The following GTF2F2 variants were observed in gnomAD, a reference collection of about 807,000 sequenced individuals.
The protein encoded by GTF2F2 is general transcription factor IIF subunit 2.
In GTF2F2, 23 loss-of-function variants were observed where a neutral mutation model predicts 42.2. That is an observed-to-expected ratio of 0.55 (90% CI 0.39 to 0.77). The LOEUF is 0.77. GTF2F2 is among the 30% of genes least tolerant of loss of function. The pLI is 0.00. For missense variants in GTF2F2, 261 were observed against 287.2 expected, an observed-to-expected ratio of 0.91 and a Z score of 0.66; for synonymous variants, 105 against 100.8, an observed-to-expected ratio of 1.04 and a Z score of -0.25.
At chr13:45,233,683 G>A (rs1874803080) in intron 5 of GTF2F2, among the ~76,000 whole-genome samples, 1 of 152,180 alleles carries the variant, frequency 6.6e-6, no homozygotes, top group African/African-American at 2.4e-5. Flanking sequence ...GGAGGCCAAG[G>A]CAGGAGGATC....
intron 2 of GTF2F2, among the ~76,000 whole-genome samples, chr13:45,148,908 T>G (rs1408608720): frequency 6.6e-6 from 1 of 152,160 alleles, no homozygotes. Flanking sequence ...TAAAACTTAT[T>G]TTTTGCTCGT....
rs555399165 is a variant in GTF2F2, at chr13:45,280,002, G to T, written c.631-3440G>T. Among the ~76,000 whole-genome samples, 70 of 151,428 alleles carry T rather than the reference G, an allele frequency of 4.6e-4. No individual in the cohort carries two copies. In the East Asian group the frequency reaches 7.0e-3, roughly 15 times the overall value. On this transcript the variant is annotated intron_variant, in intron 7 of 7. Coordinates refer to ENST00000340473, the MANE Select transcript of GTF2F2 (RefSeq NM_004128.3). ...TTATAATATAATAAGAGCTACCATC[G>T]AAGGTTGTGCGGTGTGAAATGTAAA...
chr13:45,191,224 A>AAAAAAAAAT, intron 4 of GTF2F2, among the ~76,000 whole-genome samples: 12 of 75,310 alleles, frequency 1.6e-4, no homozygotes, highest in African/African-American at 1.0e-3. Context: ...ACAAAAAAAA[A>AAAAAAAAAT]ATATATATAT....
chr13:45,148,299 A>G (rs1870306704), intron 2 of GTF2F2, among the ~76,000 whole-genome samples: 1 of 152,220 alleles, frequency 6.6e-6, no homozygotes, highest in African/African-American at 2.4e-5. Flanking sequence ...AACAATATCT[A>G]CAGATCTCCA....
intron 5 of GTF2F2, among the ~76,000 whole-genome samples, chr13:45,222,752 A>G (rs182053756): frequency 1.3e-5 from 2 of 152,346 alleles, no homozygotes; most frequent in African/African-American, 4.8e-5. Flanking sequence ...CCTGCCCTTG[A>G]GTTGTTCACT....
Position 45,264,601 on chromosome 13 carries a change from C to T in GTF2F2, c.487-2632C>T, listed in dbSNP as rs74787872. ...ATTTTTGAAAAATCTGGGTAGAATTCGGTAATTTTCTTACTACTCATTAAT... is the reference window on the plus strand; with the variant it reads ...ATTTTTGAAAAATCTGGGTAGAATTTGGTAATTTTCTTACTACTCATTAAT... On this transcript the variant is annotated intron_variant, in intron 6 of 7. Transcript: ENST00000340473. Among the ~76,000 whole-genome samples the T allele has an allele frequency of 6.4e-3, 978 of 152,190 alleles. 13 individuals carry two copies. Among genetic ancestry groups the T allele is most frequent in the African/African-American group, 0.022 (931 of 41,548 alleles).
chr13:45,253,918 C>T (rs969719429), intron 6 of GTF2F2, among the ~76,000 whole-genome samples: 2 of 152,044 alleles, frequency 1.3e-5, no homozygotes, highest in South Asian at 4.1e-4. Flanking sequence ...ACTAAAAATA[C>T]AAAAATTAGT....
chr13:45,236,484 C>G (rs917326952), intron 5 of GTF2F2, among the ~76,000 whole-genome samples: 1 of 118,036 alleles, frequency 8.5e-6, no homozygotes, highest in Non-Finnish European at 1.7e-5. Context: ...CACCCCCCGC[C>G]ACACATACAC....
In GTF2F2 at chr13:45,267,299, G is replaced by A. The variant is rs766836820; in HGVS notation, c.553G>A (p.Asp185Asn). 8.7e-6 allele frequency: 14 copies of A among 1,610,732 alleles called. No individual in the cohort carries two copies. The highest frequency in any genetic ancestry group is 1.2e-5 in the Non-Finnish European group (14 of 1,177,208). The change falls in exon 7 of 8, where the codon GAC becomes AAC. Residue 185 changes from aspartate (D) to asparagine (N), a missense_variant. Physicochemically the swap from Asp to Asn is conservative, Grantham distance 23. Coordinates refer to ENST00000340473, the MANE Select transcript of GTF2F2 (RefSeq NM_004128.3). Reference sequence around the variant, plus strand: ...TCGAGCTGATAAACAACATGTTTTAGACATGCTATTTTCAGCCTTTGAGAA... The same window carrying A: ...TCGAGCTGATAAACAACATGTTTTAAACATGCTATTTTCAGCCTTTGAGAA... ...RARADKQHVL[D>N]MLFSAFEKHQ...
At chr13:45,183,702 A>G (rs1368707005) in intron 4 of GTF2F2, among the ~76,000 whole-genome samples, 1 of 152,106 alleles carries the variant, frequency 6.6e-6, no homozygotes, top group Admixed American at 6.5e-5. Context: ...CCATCACCTC[A>G]TGAGATCATT....
At chr13:45,200,500 G>A (rs1241450426) in intron 4 of GTF2F2, among the ~76,000 whole-genome samples, 1 of 152,032 alleles carries the variant, frequency 6.6e-6, no homozygotes, top group Admixed American at 6.6e-5. Flanking sequence ...TGGAGACTGG[G>A]TCTCACTTTG....
At chr13:45,156,069 G>C (rs1469134226) in intron 4 of GTF2F2, among the ~76,000 whole-genome samples, 1 of 151,884 alleles carries the variant, frequency 6.6e-6, no homozygotes, top group South Asian at 2.1e-4. Flanking sequence ...TGAGTAGCTG[G>C]GACTACAGGC....
chr13:45,232,963 T>C (rs1164849537), intron 5 of GTF2F2, among the ~76,000 whole-genome samples: 1 of 152,248 alleles, frequency 6.6e-6, no homozygotes, highest in East Asian at 1.9e-4. Flanking sequence ...TCTTAAATGA[T>C]GTAAAGATGA....
intron 5 of GTF2F2, among the ~76,000 whole-genome samples, chr13:45,226,921 GTC>G (rs919366746): frequency 5.9e-5 from 9 of 152,084 alleles, no homozygotes; most frequent in Non-Finnish European, 1.2e-4. Context: ...GTAAGACCCT[GTC>G]TCTACAAAAA....
chr13:45,170,258 T>C (rs777539648), intron 4 of GTF2F2, among the ~76,000 whole-genome samples: 18 of 152,200 alleles, frequency 1.2e-4, no homozygotes, highest in Admixed American at 4.6e-4. Context: ...AGACCCCCCC[T>C]GCCTTGGCCT....
intron 4 of GTF2F2, among the ~76,000 whole-genome samples, chr13:45,180,352 A>G (rs1872090183): frequency 6.6e-6 from 1 of 152,180 alleles, no homozygotes; most frequent in South Asian, 2.1e-4. Context: ...TTTCAGGTCC[A>G]TTATAGAATT....
intron 7 of GTF2F2, among the ~76,000 whole-genome samples, chr13:45,274,624 C>T (rs1358144972): frequency 6.6e-6 from 1 of 152,062 alleles, no homozygotes; most frequent in African/African-American, 2.4e-5. Flanking sequence ...CCACCACGCC[C>T]GACCAAATTA....
intron 1 of GTF2F2, among the ~76,000 whole-genome samples, chr13:45,121,440 TTAAAA>T (rs1187471171): frequency 2.6e-5 from 4 of 152,150 alleles, no homozygotes; most frequent in African/African-American, 9.6e-5. Flanking sequence ...TCGTTGAAAC[TTAAAA>T]TGTAAGGACT....
Position 45,207,420 on chromosome 13 carries a change from C to A in GTF2F2, c.305-4C>A. On this transcript the variant is annotated splice_polypyrimidine_tract_variant and splice_region_variant and intron_variant, in intron 4 of 7. Coordinates refer to ENST00000340473, the MANE Select transcript of GTF2F2 (RefSeq NM_004128.3). ...CTCTGAATCCTTTTTTTTTTCCATT[C>A]AAGATAAGCTGTCATTGGAAGGAAT... is the stretch of plus-strand genomic sequence containing the variant. 3 of 1,565,020 alleles carry A rather than the reference C, an allele frequency of 1.9e-6. No individual in the cohort carries two copies. The highest frequency in any genetic ancestry group is 2.6e-6 in the Non-Finnish European group (3 of 1,144,136).
Sources: gnomAD v4.1 joint callset for allele counts (sites outside exome capture counted in the v4.1 genomes callset) on GRCh38, gnomAD v4.1.1 for gene constraint, MANE v1.5 for transcripts, NCBI Gene and HGNC (gene_info 2026-07-23, HGNC 2026-07-21) for gene names.